ARHGEF16: variants seen among roughly 807,000 people sequenced by gnomAD.
ARHGEF16 encodes Rho guanine nucleotide exchange factor 16.
ARHGEF16 carries 59 observed loss-of-function variants against 74.1 expected under a neutral mutation model. That is an observed-to-expected ratio of 0.80 (90% CI 0.65 to 0.99). The LOEUF (loss-of-function observed/expected upper bound fraction) is 0.99. ARHGEF16 is among the 50% of genes least tolerant of loss of function. The probability of loss-of-function intolerance (pLI) is 0.00; values close to 1 mark genes in which losing one functional copy is unlikely to be tolerated. For missense variants in ARHGEF16, 948 were observed against 986.6 expected, an observed-to-expected ratio of 0.96 and a Z score of 0.52; for synonymous variants, 415 against 412.6, an observed-to-expected ratio of 1.01 and a Z score of -0.07.
At chr1:3,463,026 A>C in intron 1 of ARHGEF16, 40 bp from the exon 2 acceptor site, 3 of 1,376,584 alleles carry the variant, frequency 2.2e-6, no homozygotes, top group Non-Finnish European at 2.9e-6. Flanking sequence ...GGGGCAGGGG[A>C]GAGCAGCCTC....
Position 3,480,505 on chromosome 1 carries a change from T to C in ARHGEF16, c.2048T>C (p.Phe683Ser). 2 of 1,612,568 alleles carry C rather than the reference T, an allele frequency of 1.2e-6. No homozygotes were observed. Residue 683 changes from phenylalanine to serine, a missense_variant, in exon 15 of 15, where the codon TTT (phenylalanine) becomes TCT (serine). Transcript: ENST00000378378. ...DGETGWFPED[F>S]ARFITSRVAV... ...GAGACGGGATGGTTCCCCGAGGACTTTGCCCGCTTCATCACCAGCCGTGTG... is the reference window on the plus strand; with the variant it reads ...GAGACGGGATGGTTCCCCGAGGACTCTGCCCGCTTCATCACCAGCCGTGTG...
At chr1:3,477,173 G>A (rs1250046786) in intron 10 of ARHGEF16, among the ~76,000 whole-genome samples, 2 of 151,422 alleles carry the variant, frequency 1.3e-5, no homozygotes, top group Non-Finnish European at 2.9e-5. Flanking sequence ...GGGAAGCCGG[G>A]GCCCACAGGG....
At chr1:3,476,897 T>C (rs1422688625) in intron 10 of ARHGEF16, among the ~76,000 whole-genome samples, 2 of 152,008 alleles carry the variant, frequency 1.3e-5, no homozygotes, top group Non-Finnish European at 2.9e-5. Context: ...CGCGCCGCTG[T>C]CGCTGAGCCC....
At chr1:3,478,048 G>A (rs1372997856) in intron 11 of ARHGEF16, 22 bp downstream of exon 11, 2 of 1,612,566 alleles carry the variant, frequency 1.2e-6, no homozygotes, top group Non-Finnish European at 8.5e-7. Context: ...GCAGGAGGGT[G>A]TGGGGAGCCC....
At chr1:3,473,046 G>A (rs750745983) in intron 6 of ARHGEF16, 32 bp from the exon 7 acceptor site, 57 of 1,603,672 alleles carry the variant, frequency 3.6e-5, no homozygotes, top group African/African-American at 8.0e-5. Flanking sequence ...CACCAGGCCC[G>A]TGGCACCCTC....
At chr1:3,473,570 C>T in intron 8 of ARHGEF16, 48 bp downstream of exon 8, 1 of 1,599,738 alleles carries the variant, frequency 6.3e-7, no homozygotes. Flanking sequence ...TCCTGGGGTC[C>T]CACGGCCAGA....
At chr1:3,470,835 G>GAT (rs1184842048) in intron 6 of ARHGEF16, among the ~76,000 whole-genome samples, 5 of 147,502 alleles carry the variant, frequency 3.4e-5, no homozygotes, top group Admixed American at 1.3e-4. Flanking sequence ...TGTGGGCAGG[G>GAT]GTGTGTGTGC....
At chr1:3,467,471 T>C in intron 4 of ARHGEF16, 134 bp downstream of exon 4, 1 of 1,120,324 alleles carries the variant, frequency 8.9e-7, no homozygotes, top group Non-Finnish European at 1.2e-6. Context: ...TGGGCAGCCT[T>C]CCCAGAAGCC....
At position 3,469,552 on chromosome 1, in the gene ARHGEF16, C is replaced by T. The variant is rs765406421; in HGVS notation, c.981C>T (p.His327=). 1.2e-6 allele frequency: 2 copies of T among 1,613,120 alleles called. No individual in the cohort carries two copies. Among genetic ancestry groups the T allele is most frequent in the Non-Finnish European group, 1.7e-6 (2 of 1,179,988 alleles). The part of the protein sequence containing the change: ...RATVTQMEHH[H]LFSNILDVLG... ...CCGTGACCCAGATGGAGCACCACCA[C>T]CTCTTCTCCAACATCCTGGATGTCC... is the stretch of plus-strand genomic sequence containing the variant. Residue 327 remains histidine (H), a synonymous_variant, in exon 6 of 15, where the codon CAC becomes CAT. Coordinates refer to ENST00000378378, the MANE Select transcript of ARHGEF16 (RefSeq NM_014448.4).
At chr1:3,479,630 G>A (rs577006856) in intron 13 of ARHGEF16, 40 bp downstream of exon 13, 51 of 1,598,784 alleles carry the variant, frequency 3.2e-5, no homozygotes, top group African/African-American at 1.5e-4. Context: ...GCCCTCTGCC[G>A]TGGCTGGCAC....
chr1:3,474,941 A>G (rs1299360521), intron 9 of ARHGEF16, among the ~76,000 whole-genome samples, 159 bp downstream of exon 9: 1 of 151,082 alleles, frequency 6.6e-6, no homozygotes, highest in Non-Finnish European at 1.5e-5. Flanking sequence ...CAGCGCTGAC[A>G]GGGAAACTGA....
At chr1:3,457,499 G>A (rs1444595880) in intron 1 of ARHGEF16, among the ~76,000 whole-genome samples, 1 of 152,234 alleles carries the variant, frequency 6.6e-6, no homozygotes, top group East Asian at 1.9e-4. Context: ...CTGGGAGATT[G>A]TACTGCTATG....
chr1:3,477,534 G>C (rs74050524), intron 10 of ARHGEF16, among the ~76,000 whole-genome samples: 1 of 150,616 alleles, frequency 6.6e-6, no homozygotes, highest in East Asian at 2.0e-4. Context: ...GAGGCCCAGC[G>C]TCTGCGTAAT....
chr1:3,476,067 G>A lies in ARHGEF16; in HGVS notation c.1473+5G>A, dbSNP rs767914765. 4 of 1,550,026 alleles carry A rather than the reference G, an allele frequency of 2.6e-6. No homozygotes were observed. In the African/African-American group the frequency reaches 5.5e-5, roughly 21 times the overall value. Reference sequence around the variant, plus strand: ...CTGGACTTCAGCAAGGTCAAGGTAGGTGGCCCCGGACATCAGGGCCACTCG... The same window carrying A: ...CTGGACTTCAGCAAGGTCAAGGTAGATGGCCCCGGACATCAGGGCCACTCG... On this transcript the variant is annotated splice_donor_5th_base_variant and intron_variant, in intron 10 of 14. Coordinates refer to ENST00000378378, the MANE Select transcript of ARHGEF16 (RefSeq NM_014448.4).
intron 5 of ARHGEF16, 64 bp downstream of exon 5, chr1:3,469,000 G>A (rs1477952961): frequency 6.5e-7 from 1 of 1,538,054 alleles, no homozygotes; most frequent in African/African-American, 1.4e-5. Context: ...CCCGGGGAGG[G>A]GCAGCAGCCA....
At chr1:3,480,304 C>T (rs923749914) in intron 14 of ARHGEF16, 144 bp from the exon 15 acceptor site, 61 of 1,251,760 alleles carry the variant, frequency 4.9e-5, no homozygotes, top group Non-Finnish European at 6.2e-5. Flanking sequence ...TGAGCAAGGC[C>T]TCAGCAGCTG....
chr1:3,480,533 C>T lies in ARHGEF16; in HGVS notation c.2076C>T (p.Ala692=), dbSNP rs1273797439. 97 of 1,611,800 alleles carry T rather than the reference C, an allele frequency of 6.0e-5. No individual in the cohort carries two copies. The highest frequency in any genetic ancestry group is 1.6e-4 in the Middle Eastern group (1 of 6,082). ...CCCGCTTCATCACCAGCCGTGTGGCCGTGGAGGGCAATGTCCGCAGGATGG... is the reference window on the plus strand; with the variant it reads ...CCCGCTTCATCACCAGCCGTGTGGCTGTGGAGGGCAATGTCCGCAGGATGG... ...DFARFITSRV[A]VEGNVRRMER... Residue 692 remains alanine, a synonymous_variant, in exon 15 of 15, where the codon GCC becomes GCT. Transcript: ENST00000378378.
intron 5 of ARHGEF16, 130 bp downstream of exon 5, chr1:3,469,066 C>T (rs571685124): frequency 5.5e-5 from 63 of 1,148,868 alleles, no homozygotes; most frequent in Non-Finnish European, 6.8e-5. Flanking sequence ...GGCCCTGTCA[C>T]GCTGACCAGC....
intron 10 of ARHGEF16, 40 bp from the exon 11 acceptor site, chr1:3,477,835 C>T: frequency 6.2e-7 from 1 of 1,606,112 alleles, no homozygotes; most frequent in South Asian, 1.1e-5. Context: ...CCCCCCCAGT[C>T]CCTCGCACTG....
Sources: gnomAD v4.1 joint callset for allele counts (sites outside exome capture counted in the v4.1 genomes callset) on GRCh38, gnomAD v4.1.1 for gene constraint, MANE v1.5 for transcripts, NCBI Gene and HGNC (gene_info 2026-07-23, HGNC 2026-07-21) for gene names.